Variants in PDE4D observed in about 807,000 individuals in gnomAD.
PDE4D encodes phosphodiesterase 4D.
PDE4D carries 24 observed loss-of-function variants against 87.4 expected under a neutral mutation model. The ratio of observed to expected loss-of-function variants is 0.27; its 90% CI spans 0.20 to 0.39. The LOEUF is 0.39. Among genes scored for constraint, PDE4D ranks in the 10% least tolerant of loss-of-function variants. The pLI, the probability that PDE4D is intolerant of heterozygous loss-of-function variation, is 1.00. For missense variants in PDE4D, 714 were observed against 1,041.0 expected (o/e 0.69, Z 4.32); for synonymous variants, 384 against 383.2 (o/e 1.00, Z -0.02).
At chr5:59,029,590 C>G (rs978017161) in intron 6 of PDE4D, among the ~76,000 whole-genome samples, 1 of 151,804 alleles carries the variant, frequency 6.6e-6, no homozygotes, top group Non-Finnish European at 1.5e-5. Flanking sequence ...TCCACACTAT[C>G]CAAAGCCATC....
intron 1 of PDE4D, among the ~76,000 whole-genome samples, chr5:60,273,444 G>A (rs1377747324): frequency 6.6e-6 from 1 of 152,104 alleles, no homozygotes; most frequent in African/African-American, 2.4e-5. Flanking sequence ...GTCATAATAA[G>A]GACTCTCAAT....
rs1791926843 is a variant in PDE4D at position 59,407,611 on chromosome 5, A to G, written c.456-191643T>C. ...TTGAAACTTGGTAGAGACTGATTAA[A>G]TGGTCATGACCAAAATGCTGATAGT... On this transcript the variant is annotated intron_variant, in intron 1 of 14. Transcript: ENST00000340635. 2.0e-5 allele frequency among the ~76,000 whole-genome samples: 3 copies of G among 152,342 alleles called. 1 individual carries two copies. Among genetic ancestry groups the G allele is most frequent in the South Asian group, 4.1e-4 (2 of 4,828 alleles).
chr5:59,397,713 T>C (rs199820747), intron 1 of PDE4D, among the ~76,000 whole-genome samples: 6 of 114,678 alleles, frequency 5.2e-5, no homozygotes, highest in African/African-American at 1.1e-4. Context: ...TAGCAGAAGG[T>C]AAGAAATAAC....
At chr5:60,065,099 C>T (rs1358237618) in intron 2 of PDE4D, among the ~76,000 whole-genome samples, 1 of 151,990 alleles carries the variant, frequency 6.6e-6, no homozygotes, top group African/African-American at 2.4e-5. Context: ...TTTTGGTTTC[C>T]TTTTGTGCTC....
chr5:59,693,704 T>C (rs1751324493), intron 1 of PDE4D, among the ~76,000 whole-genome samples: 3 of 152,192 alleles, frequency 2.0e-5, no homozygotes, highest in African/African-American at 7.2e-5. Context: ...AGGCAAGATT[T>C]GATGGAGTGT....
At chr5:60,093,789 G>T (rs1003957908) in intron 2 of PDE4D, among the ~76,000 whole-genome samples, 1 of 151,784 alleles carries the variant, frequency 6.6e-6, no homozygotes, top group African/African-American at 2.4e-5. Flanking sequence ...ATGTAAAAAT[G>T]TTTTTTGCAA....
chr5:59,378,445 CAGA>C (rs1383011482), intron 1 of PDE4D, among the ~76,000 whole-genome samples: 6 of 152,002 alleles, frequency 3.9e-5, no homozygotes, highest in Non-Finnish European at 8.8e-5. Context: ...AAAAAGAATT[CAGA>C]AGAAGAAAAT....
intron 1 of PDE4D, among the ~76,000 whole-genome samples, chr5:60,450,695 G>C (rs998039659): frequency 6.6e-6 from 1 of 152,074 alleles, no homozygotes; most frequent in African/African-American, 2.4e-5. Flanking sequence ...CATGACACAA[G>C]AGTATGACAT....
chr5:59,694,869 G>A (rs543125257), intron 1 of PDE4D, among the ~76,000 whole-genome samples: 2 of 152,204 alleles, frequency 1.3e-5, no homozygotes, highest in African/African-American at 4.8e-5. Flanking sequence ...TACTTCTAAA[G>A]GACTTTTACC....
chr5:60,296,158 A>G (rs1261359862), intron 1 of PDE4D, among the ~76,000 whole-genome samples: 4 of 152,134 alleles, frequency 2.6e-5, no homozygotes, highest in Non-Finnish European at 5.9e-5. Flanking sequence ...CAACATATGA[A>G]TTTTGGAGGG....
chr5:60,071,589 A>G (rs1460138453), intron 2 of PDE4D, among the ~76,000 whole-genome samples: 1 of 152,158 alleles, frequency 6.6e-6, no homozygotes, highest in Admixed American at 6.5e-5. Context: ...GGATCCAGAT[A>G]TTAAAAAGAC....
chr5:59,150,517 T>C (rs1779319107), intron 5 of PDE4D, among the ~76,000 whole-genome samples: 1 of 152,186 alleles, frequency 6.6e-6, no homozygotes, highest in South Asian at 2.1e-4. Flanking sequence ...TCCTGGACCC[T>C]AGATTATAAG....
intron 1 of PDE4D, among the ~76,000 whole-genome samples, chr5:60,288,534 A>T (rs1028947891): frequency 1.3e-5 from 2 of 152,246 alleles, no homozygotes; most frequent in African/African-American, 4.8e-5. Context: ...ACTGCTGGGC[A>T]CATAGGAAAG....
At chr5:59,724,235 T>C (rs1370066103) in intron 1 of PDE4D, among the ~76,000 whole-genome samples, 1 of 152,054 alleles carries the variant, frequency 6.6e-6, no homozygotes, top group Non-Finnish European at 1.5e-5. Flanking sequence ...AATGGCCAAA[T>C]TGCTGGCTAC....
intron 1 of PDE4D, among the ~76,000 whole-genome samples, chr5:60,472,697 G>A (rs1220198920): frequency 6.6e-6 from 1 of 152,100 alleles, no homozygotes; most frequent in Non-Finnish European, 1.5e-5. Flanking sequence ...GCTACAAATG[G>A]TCTCTGACTT....
intron 2 of PDE4D, among the ~76,000 whole-genome samples, chr5:60,016,170 T>C (rs1765500753): frequency 6.6e-6 from 1 of 151,812 alleles, no homozygotes; most frequent in South Asian, 2.1e-4. Flanking sequence ...GTAACTCACA[T>C]GAATTTTTTT....
intron 1 of PDE4D, among the ~76,000 whole-genome samples, chr5:59,351,432 A>C (rs1400720382): frequency 6.6e-6 from 1 of 152,200 alleles, no homozygotes; most frequent in East Asian, 1.9e-4. Flanking sequence ...ATCATTAAGA[A>C]ACCTAGTTTA....
chr5:59,756,507 CAT>C (rs1484287674), intron 1 of PDE4D, among the ~76,000 whole-genome samples: 2 of 136,700 alleles, frequency 1.5e-5, no homozygotes, highest in African/African-American at 6.0e-5. Flanking sequence ...AAACCCAAAA[CAT>C]ACACACACAC....
At chr5:60,520,388 C>A (rs1003739776) in intron 1 of PDE4D, among the ~76,000 whole-genome samples, 3 of 152,220 alleles carry the variant, frequency 2.0e-5, no homozygotes, top group African/African-American at 2.4e-5. Context: ...TTGTTGAATC[C>A]TTTGCCTGGG....
Sources: allele counts gnomAD v4.1 joint callset (sites outside exome capture counted in the v4.1 genomes callset), GRCh38; gene constraint gnomAD v4.1.1; transcripts MANE v1.5; gene names NCBI Gene and HGNC (gene_info 2026-07-23, HGNC 2026-07-21).